Variants in ZNF219 observed in about 807,000 individuals in gnomAD.
ZNF219 encodes the protein zinc finger protein 219.
ZNF219 carries 17 observed loss-of-function variants against 54.4 expected under a neutral mutation model. The ratio of observed to expected loss-of-function variants is 0.31; its 90% CI spans 0.21 to 0.47. The LOEUF (loss-of-function observed/expected upper bound fraction) is 0.47, where lower values mean the gene tolerates loss of function less well. Among genes scored for constraint, ZNF219 ranks in the 20% least tolerant of loss-of-function variants. The pLI is 1.00. For missense variants in ZNF219, 1,014 were observed against 1,062.3 expected, an observed-to-expected ratio of 0.95 and a Z score of 0.63; for synonymous variants, 518 against 476.4, an observed-to-expected ratio of 1.09 and a Z score of -1.14.
chr14:21,101,395 G>A, upstream of ZNF219: 2 of 1,551,672 alleles, frequency 1.3e-6, no homozygotes, highest in South Asian at 2.4e-5. Flanking sequence ...CCTTCGTCTG[G>A]AAAAGCTACA....
chr14:21,092,593 G>T lies in ZNF219; in HGVS notation c.704C>A (p.Pro235Gln). 6.5e-7 allele frequency: 1 copy of T among 1,547,578 alleles called. No individual in the cohort carries two copies. The highest frequency in any genetic ancestry group is 8.7e-7 in the Non-Finnish European group (1 of 1,147,912). ...GACTGATCTGGGTTCGGGCTGGGGT[G>T]GAGGCTGAGGCTGAGGCTGAGGCGG... Reference protein sequence around the residue: ...APPPQPQPQPPPQPEPRSVPQ... With the variant: ...APPPQPQPQPQPQPEPRSVPQ... Residue 235 changes from proline to glutamine, a missense_variant, in exon 3 of 5, where the codon CCA becomes CAA. Physicochemically the swap from Pro to Gln is moderately conservative, Grantham distance 76 (BLOSUM62 -1). Coordinates refer to ENST00000360947, the MANE Select transcript of ZNF219 (RefSeq NM_016423.3).
At chr14:21,100,469 C>T (rs1459311842), upstream of ZNF219, among the ~76,000 whole-genome samples, 1 of 152,100 alleles carries the variant, frequency 6.6e-6, no homozygotes, top group Non-Finnish European at 1.5e-5. Context: ...GAGGCACCTT[C>T]TCTCTCAAAA....
Position 21,093,181 on chromosome 14 carries a change from G to T in ZNF219, c.116C>A (p.Ser39Ter). 1 of 1,609,324 alleles carries T rather than the reference G, an allele frequency of 6.2e-7. No individual in the cohort carries two copies. ...CCAGCTCACCGCTCCCATCCCGAGC[G>T]ACCCTGCGCTCACGGCTGGCCCGTT... is the stretch of plus-strand genomic sequence containing the variant. ...YSNGPAVSAG[S>*]LGMGAVSWSE... is the part of the protein sequence containing the mutation. The change falls in exon 3 of 5, where the codon TCG (serine) becomes TAG (stop). Residue 39 changes from serine (S) to a stop codon, truncating the protein, a stop_gained. Coordinates refer to ENST00000360947, the MANE Select transcript of ZNF219 (RefSeq NM_016423.3). LOFTEE classifies it high-confidence loss of function.
chr14:21,090,420 T>G lies in ZNF219; in HGVS notation c.*116A>C, dbSNP rs1888737955. The G allele has an allele frequency of 1.4e-6, 2 of 1,390,380 alleles. No individual in the cohort carries two copies. The highest frequency in any genetic ancestry group is 2.4e-5 in the East Asian group (1 of 40,840). 86.1% of individuals were successfully genotyped at this position (1,390,380 alleles called of 1,614,324 possible). ...CCGCGCCTTCCACCTCTGGTCCGCC[T>G]GGGGCTGGGATATGGGTCCCACGCT... On this transcript the variant is annotated 3_prime_UTR_variant, in exon 5 of 5. Transcript: ENST00000360947. The surrounding 1 kb of genome is among the most constrained non-coding windows in gnomAD (Gnocchi z 4.4).
chr14:21,102,125 G>C, upstream of ZNF219: 1 of 1,550,562 alleles, frequency 6.4e-7, no homozygotes, highest in Non-Finnish European at 8.7e-7. Context: ...TGGAAGGTGA[G>C]AGGGAAGAAA....
At chr14:21,101,737 G>T, upstream of ZNF219, 1 of 741,968 alleles carries the variant, frequency 1.3e-6, no homozygotes, top group Non-Finnish European at 2.2e-6. Flanking sequence ...TCACGTCCTT[G>T]CTCTGGGTTG....
upstream of ZNF219, chr14:21,102,896 C>T: frequency 7.0e-7 from 1 of 1,437,770 alleles, no homozygotes. Context: ...AGAAGAGGTC[C>T]TAGAATGAAA....
In ZNF219 at chr14:21,093,282, A is replaced by C; in HGVS notation, c.15T>G (p.Arg5=). ...CTAAGTGGCCGCTCGGGGCGCGGGG[A>C]CGTGAGCCCTGTGGAGAAAGATCTG... MEGS[R]PRAPSGHLAP... is the part of the protein sequence containing the mutation. Residue 5 remains arginine, a synonymous_variant, in exon 3 of 5, where the codon CGT becomes CGG. Coordinates refer to ENST00000360947, the MANE Select transcript of ZNF219 (RefSeq NM_016423.3). The C allele has an allele frequency of 6.3e-7, 1 of 1,580,912 alleles. No homozygotes were observed. Among genetic ancestry groups the C allele is most frequent in the Non-Finnish European group, 8.5e-7 (1 of 1,171,466 alleles).
chr14:21,098,843 C>T, upstream of ZNF219: 1 of 1,287,986 alleles, frequency 7.8e-7, no homozygotes, highest in South Asian at 1.2e-5. Context: ...GCTCTTTCTG[C>T]CCCAACATGC....
chr14:21,090,476 T>A lies in ZNF219; in HGVS notation c.*60A>T, dbSNP rs1888741429. On this transcript the variant is annotated 3_prime_UTR_variant, in exon 5 of 5. Coordinates refer to ENST00000360947, the MANE Select transcript of ZNF219 (RefSeq NM_016423.3). This position sits in a 1 kb window ranked among gnomAD's most constrained non-coding sequence, Gnocchi z 4.4. ...CTGCTGGCTTCTCTACCCAACTACC[T>A]CTAGCGCTCCCCCGCTCCGGCGGGG... is the stretch of plus-strand genomic sequence containing the variant. The A allele has an allele frequency of 2.0e-6, 3 of 1,526,820 alleles. No homozygotes were observed. In the South Asian group the frequency reaches 3.8e-5, roughly 19 times the overall value. The allele number at this position is 1,526,820 out of a possible 1,614,324, so 94.6% of individuals were successfully genotyped here. A position where few individuals can be genotyped will look rare whatever the true frequency, so the allele number is the denominator to read the frequency against.
chr14:21,092,229 C>T lies in ZNF219; in HGVS notation c.1068G>A (p.Pro356=), dbSNP rs1048892886. ...GGGCCAAGAGGAGCGCTGGGCCCAA[C>T]GGCTCATAGGCCAGCAGGCCGAGGT... The part of the protein sequence containing the change: ...PPDLGLLAYE[P]LGPALLLAPA... Residue 356 remains proline (P), a synonymous_variant, in exon 3 of 5, where the codon CCG becomes CCA. Coordinates refer to ENST00000360947, the MANE Select transcript of ZNF219 (RefSeq NM_016423.3). 7 of 1,448,658 alleles carry T rather than the reference C, an allele frequency of 4.8e-6. No homozygotes were observed. Among genetic ancestry groups the T allele is most frequent in the East Asian group, 2.5e-5 (1 of 39,836 alleles). 89.7% of individuals were successfully genotyped at this position (1,448,658 alleles called of 1,614,324 possible).
Position 21,090,851 on chromosome 14 carries a change from G to A in ZNF219, c.1854C>T (p.Asn618=). The A allele has an allele frequency of 1.3e-6, 2 of 1,554,590 alleles. No homozygotes were observed. Among genetic ancestry groups the A allele is most frequent in the East Asian group, 4.8e-5 (2 of 41,590 alleles). The part of the protein sequence containing the change: ...KPASPGRTLR[N]GRGGEAEPLD... ...GGGGTTCGGCCTCACCGCCTCGCCC[G>A]TTGCGCAGGGTCCTCCCAGGGCTGG... The change falls in exon 5 of 5, where the codon AAC becomes AAT. Residue 618 remains asparagine (N), a synonymous_variant. Transcript: ENST00000360947. This position sits in a 1 kb window ranked among gnomAD's most constrained non-coding sequence, Gnocchi z 4.4.
At position 21,092,558 on chromosome 14, in the gene ZNF219, C is replaced by T; in HGVS notation, c.739G>A (p.Glu247Lys). The change falls in exon 3 of 5, where the codon GAG becomes AAG. Residue 247 changes from glutamate (E) to lysine (K), a missense_variant. Coordinates refer to ENST00000360947, the MANE Select transcript of ZNF219 (RefSeq NM_016423.3). ...QPEPRSVPQP[E>K]PEPEPEREAT... ...TCACGTTCGGGCTCCGGCTCCGGCT[C>T]CGGCTGGGGGACTGATCTGGGTTCG... The T allele has an allele frequency of 1.9e-6, 3 of 1,547,614 alleles. No homozygotes were observed. The highest frequency in any genetic ancestry group is 1.2e-5 in the South Asian group (1 of 83,902).
intron 2 of ZNF219, 62 bp from the exon 3 acceptor site, chr14:21,093,352 G>A: frequency 2.6e-6 from 4 of 1,510,516 alleles, no homozygotes; most frequent in Non-Finnish European, 3.5e-6. Flanking sequence ...AAGCAAGGGC[G>A]TCGCCTCGAG....
At chr14:21,102,555 C>T, upstream of ZNF219, 28 of 1,551,478 alleles carry the variant, frequency 1.8e-5, no homozygotes, top group Non-Finnish European at 2.4e-5. Context: ...GATAAGGAGG[C>T]AAGAGGAGGT....
rs1333920987 is a variant in ZNF219, at chr14:21,090,225, C to T, written c.*311G>A. 8.1e-6 allele frequency: 5 copies of T among 615,604 alleles called. No individual in the cohort carries two copies. The highest frequency in any genetic ancestry group is 1.5e-5 in the Non-Finnish European group (5 of 328,950). The allele number at this position is 615,604 out of a possible 1,614,324, so 38.1% of individuals were successfully genotyped here. A position where few individuals can be genotyped will look rare whatever the true frequency, so the allele number is the denominator to read the frequency against. ...CCCTCACCCCTTGTACAAAAATAAA[C>T]TCTCACGCCTATGGACCAGCAAAGA... On this transcript the variant is annotated 3_prime_UTR_variant, in exon 5 of 5. Coordinates refer to ENST00000360947, the MANE Select transcript of ZNF219 (RefSeq NM_016423.3). This position sits in a 1 kb window ranked among gnomAD's most constrained non-coding sequence, Gnocchi z 4.4.
intron 1 of ZNF219, 68 bp from the exon 2 acceptor site, chr14:21,093,742 C>A: frequency 7.1e-7 from 1 of 1,402,706 alleles, no homozygotes; most frequent in Admixed American, 1.9e-5. Context: ...CACTCCCTAC[C>A]CCCAGACTCT....
chr14:21,103,223 C>G, upstream of ZNF219: 1 of 1,551,618 alleles, frequency 6.4e-7, no homozygotes, highest in African/African-American at 1.4e-5. Flanking sequence ...GGTGGGACAG[C>G]GGGAACAGAC....
upstream of ZNF219, chr14:21,102,471 GTGA>G: frequency 6.4e-7 from 1 of 1,551,734 alleles, no homozygotes; most frequent in East Asian, 2.4e-5. Context: ...GGTGGTCGAG[GTGA>G]TGAAGACAGC....
Sources: gnomAD v4.1 joint callset for allele counts (sites outside exome capture counted in the v4.1 genomes callset) on GRCh38, gnomAD v4.1.1 for gene constraint, Gnocchi (gnomAD v3.1) non-coding constraint, MANE v1.5 for transcripts, NCBI Gene and HGNC (gene_info 2026-07-23, HGNC 2026-07-21) for gene names.